KCNH1: variants seen among roughly 807,000 people sequenced by gnomAD.
KCNH1 encodes the protein voltage-gated delayed rectifier potassium channel KCNH1.
Under a neutral mutation model 69.2 loss-of-function variants are expected in KCNH1, and 27 were observed. The observed-to-expected ratio is 0.39, with a 90% CI of 0.29 to 0.54. KCNH1 has a LOEUF of 0.54. KCNH1 is among the 20% of genes least tolerant of loss of function. The pLI, the probability that KCNH1 is intolerant of heterozygous loss-of-function variation, is 0.68. For synonymous variants in KCNH1, 456 were observed against 487.7 expected (o/e 0.93, Z 0.86); for missense variants, 798 against 1,261.6 (o/e 0.63, Z 5.57).
chr1:210,994,163 T>C (rs79183873), intron 6 of KCNH1, among the ~76,000 whole-genome samples: 4,033 of 152,316 alleles, frequency 0.026, 98 homozygotes, highest in South Asian at 0.061. Context: ...TAGTTGGTAT[T>C]AATCATACTC....
chr1:210,979,435 C>A (rs570486873), intron 6 of KCNH1, among the ~76,000 whole-genome samples: 1 of 152,178 alleles, frequency 6.6e-6, no homozygotes, highest in African/African-American at 2.4e-5. Flanking sequence ...TGAGCCATAG[C>A]TAATCCATAT....
chr1:210,834,245 T>C lies in KCNH1; in HGVS notation c.1463-30079A>G, dbSNP rs569476171. ...AAAGACACATGCACACGTATGTTTA[T>C]TGTGGCACTATTCACAATAGCAAAG... On this transcript the variant is annotated intron_variant, in intron 7 of 10. Coordinates refer to ENST00000271751, the MANE Select transcript of KCNH1 (RefSeq NM_172362.3). Among the ~76,000 whole-genome samples, 457 of 151,442 alleles carry C rather than the reference T, an allele frequency of 3.0e-3. 4 individuals carry two copies. The highest frequency in any genetic ancestry group is 0.011 in the African/African-American group (435 of 41,214).
At chr1:211,021,740 C>CA (rs1275262979) in intron 5 of KCNH1, among the ~76,000 whole-genome samples, 10 of 151,118 alleles carry the variant, frequency 6.6e-5, no homozygotes, top group Middle Eastern at 3.4e-3. Context: ...TCAATAGCTA[C>CA]AAAAAAAATT....
rs1030713498 is a variant in KCNH1, at chr1:210,727,153, T to C, written c.2113-43015A>G. 2.0e-5 allele frequency among the ~76,000 whole-genome samples: 3 copies of C among 152,218 alleles called. No homozygotes were observed. The South Asian group carries it at 6.2e-4, about 32-fold the overall frequency. Reference sequence around the variant, plus strand: ...GTTCCTCATACTGTAGGAGAAACTATTCTGGCCACAGACAGAGATGTGTAT... The same window carrying C: ...GTTCCTCATACTGTAGGAGAAACTACTCTGGCCACAGACAGAGATGTGTAT... On this transcript the variant is annotated intron_variant, in intron 10 of 10. Coordinates refer to ENST00000271751, the MANE Select transcript of KCNH1 (RefSeq NM_172362.3).
intron 7 of KCNH1, among the ~76,000 whole-genome samples, chr1:210,857,613 T>C (rs1258380150): frequency 1.3e-5 from 2 of 152,240 alleles, no homozygotes; most frequent in Non-Finnish European, 2.9e-5. Flanking sequence ...ATTTTAAATA[T>C]CAATATATGC....
chr1:211,069,972 C>G (rs951847370), intron 5 of KCNH1, among the ~76,000 whole-genome samples: 5 of 152,072 alleles, frequency 3.3e-5, no homozygotes, highest in African/African-American at 1.2e-4. Context: ...GGGACAACTA[C>G]AAAAGGTATA....
At chr1:210,771,624 AAATAAC>A (rs150810703) in intron 10 of KCNH1, among the ~76,000 whole-genome samples, 25,531 of 152,146 alleles carry the variant, frequency 0.17, 2,213 homozygotes, top group Non-Finnish European at 0.19. Context: ...GGACAGAACA[AAATAAC>A]AATAACATAC....
chr1:211,107,158 T>G, intron 2 of KCNH1, 96 bp downstream of exon 2: 2 of 1,362,000 alleles, frequency 1.5e-6, no homozygotes, highest in Non-Finnish European at 2.1e-6. Context: ...ACACACTAAA[T>G]GAGGTAAAGG....
chr1:211,016,389 C>A (rs1689491796), intron 6 of KCNH1, among the ~76,000 whole-genome samples: 1 of 152,112 alleles, frequency 6.6e-6, no homozygotes, highest in Non-Finnish European at 1.5e-5. Flanking sequence ...GAGAACTGTT[C>A]TATTTATCTG....
intron 6 of KCNH1, among the ~76,000 whole-genome samples, chr1:210,997,433 G>A (rs1224281996): frequency 1.3e-5 from 2 of 152,122 alleles, no homozygotes; most frequent in Non-Finnish European, 2.9e-5. Context: ...TGAAATGAAT[G>A]AAACGAAGCG....
chr1:210,742,770 C>T (rs1016509074), intron 10 of KCNH1, among the ~76,000 whole-genome samples: 1 of 152,102 alleles, frequency 6.6e-6, no homozygotes, highest in African/African-American at 2.4e-5. Context: ...CTGTCTAATG[C>T]AGAGCAAAAG....
intron 7 of KCNH1, among the ~76,000 whole-genome samples, chr1:210,888,890 C>T (rs944243406): frequency 6.6e-6 from 1 of 152,142 alleles, no homozygotes; most frequent in Non-Finnish European, 1.5e-5. Flanking sequence ...ATAACAAGTT[C>T]TGAAATTGAA....
At chr1:210,836,439 T>C (rs1385209372) in intron 7 of KCNH1, among the ~76,000 whole-genome samples, 2 of 152,218 alleles carry the variant, frequency 1.3e-5, no homozygotes, top group African/African-American at 4.8e-5. Context: ...TGATGCACTT[T>C]GGCAGAGTCC....
intron 10 of KCNH1, among the ~76,000 whole-genome samples, chr1:210,726,816 T>TCG (rs765364728): frequency 8.5e-5 from 12 of 140,594 alleles, no homozygotes; most frequent in African/African-American, 3.3e-4. Context: ...CCGGCGGGGG[T>TCG]GGGGTGGACT....
At chr1:210,686,418 C>A (rs969314822) in intron 10 of KCNH1, among the ~76,000 whole-genome samples, 1 of 152,224 alleles carries the variant, frequency 6.6e-6, no homozygotes, top group African/African-American at 2.4e-5. Flanking sequence ...CTCCCAACTC[C>A]AATGGCCCTT....
intron 5 of KCNH1, among the ~76,000 whole-genome samples, chr1:211,035,700 A>T (rs766975816): frequency 6.6e-6 from 1 of 152,218 alleles, no homozygotes; most frequent in Non-Finnish European, 1.5e-5. Flanking sequence ...TTTAGCAATT[A>T]TCAGGACATT....
chr1:210,991,564 T>C (rs569859424), intron 6 of KCNH1, among the ~76,000 whole-genome samples: 1 of 151,348 alleles, frequency 6.6e-6, no homozygotes, highest in Admixed American at 6.6e-5. Flanking sequence ...AGTTAATGTA[T>C]TATACATCTC....
At chr1:210,691,398 A>G (rs908915968) in intron 10 of KCNH1, among the ~76,000 whole-genome samples, 5 of 151,960 alleles carry the variant, frequency 3.3e-5, no homozygotes, top group Non-Finnish European at 7.4e-5. Context: ...ATGAAACCCC[A>G]GCAGGTGGGT....
rs936471855 is a variant in KCNH1 at position 210,997,174 on chromosome 1, T to C, written c.1032+21609A>G. ...AAAGCTGGACGGAGAATGACTTTGATTAGCTGACAGAAGAAGGCTTCAGAC... is the reference window on the plus strand; with the variant it reads ...AAAGCTGGACGGAGAATGACTTTGACTAGCTGACAGAAGAAGGCTTCAGAC... On this transcript the variant is annotated intron_variant, in intron 6 of 10. Coordinates refer to ENST00000271751, the MANE Select transcript of KCNH1 (RefSeq NM_172362.3). Among the ~76,000 whole-genome samples, 3 of 152,232 alleles carry C rather than the reference T, an allele frequency of 2.0e-5. 1 individual carries two copies. In the South Asian group the frequency reaches 6.2e-4, roughly 32 times the overall value.
Sources: gnomAD v4.1 joint callset for allele counts (sites outside exome capture counted in the v4.1 genomes callset) on GRCh38, gnomAD v4.1.1 for gene constraint, MANE v1.5 for transcripts, NCBI Gene and HGNC (gene_info 2026-07-23, HGNC 2026-07-21) for gene names.